Variants in FZD6 observed in about 807,000 individuals in gnomAD.
The protein encoded by FZD6 is frizzled class receptor 6.
FZD6 carries 49 observed loss-of-function variants against 61.4 expected under a neutral mutation model. The observed-to-expected ratio is 0.80, with a 90% CI of 0.63 to 1.01. The LOEUF is 1.01. Ranked by LOEUF, FZD6 falls within the 50% of genes least tolerant of loss-of-function variation. FZD6 has a pLI of 0.00. For missense variants in FZD6, 724 were observed against 848.2 expected (o/e 0.85, Z 1.82); for synonymous variants, 265 against 292.2 (o/e 0.91, Z 0.95).
Position 103,324,924 on chromosome 8 carries a change from T to C in FZD6, c.818T>C (p.Val273Ala). The C allele has an allele frequency of 6.2e-7, 1 of 1,614,072 alleles. No individual in the cohort carries two copies. Among genetic ancestry groups the C allele is most frequent in the Non-Finnish European group, 8.5e-7 (1 of 1,179,920 alleles). The change falls in exon 4 of 7, where the codon GTT becomes GCT. Residue 273 changes from valine to alanine, a missense_variant. Val to Ala is a moderately conservative substitution (Grantham distance 64). Transcript: ENST00000358755. ...GAGAAGCTAGAACTTGGTGACACTGTTGTCCTAGGCTCTCAAAATAAGGCT... is the reference window on the plus strand; with the variant it reads ...GAGAAGCTAGAACTTGGTGACACTGCTGTCCTAGGCTCTCAAAATAAGGCT... ...ADEKLELGDT[V>A]VLGSQNKACT...
chr8:103,324,597 A>T lies in FZD6; in HGVS notation c.491A>T (p.His164Leu). The change falls in exon 4 of 7, where the codon CAT becomes CTT. Residue 164 changes from histidine (H) to leucine (L), a missense_variant. Coordinates refer to ENST00000358755, the MANE Select transcript of FZD6 (RefSeq NM_003506.4). Reference protein sequence around the residue: ...QRDIGFWCPRHLKTSGGQGYK... With the variant: ...QRDIGFWCPRLLKTSGGQGYK... ...GACATTGGATTTTGGTGTCCAAGGCATCTTAAGACTTCTGGGGGACAAGGA... is the reference window on the plus strand; with the variant it reads ...GACATTGGATTTTGGTGTCCAAGGCTTCTTAAGACTTCTGGGGGACAAGGA... 1 of 1,614,102 alleles carries T rather than the reference A, an allele frequency of 6.2e-7. No homozygotes were observed. Among genetic ancestry groups the T allele is most frequent in the Non-Finnish European group, 8.5e-7 (1 of 1,179,918 alleles).
Position 103,325,372 on chromosome 8 carries a change from C to T in FZD6, c.1266C>T (p.Gly422=), listed in dbSNP as rs758118741. 1.2e-6 allele frequency: 2 copies of T among 1,613,952 alleles called. No homozygotes were observed. Among genetic ancestry groups the T allele is most frequent in the Admixed American group, 1.7e-5 (1 of 60,000 alleles). ...TGATTCGAATTGGAGTCTTCAGCGG[C>T]TTGTATCTTGTGCCATTAGTGACAC... The part of the protein sequence containing the change: ...KFMIRIGVFS[G]LYLVPLVTLL... The change falls in exon 4 of 7, where the codon GGC becomes GGT. Residue 422 remains glycine, a synonymous_variant. Transcript: ENST00000358755.
At chr8:103,301,679 T>C (rs1814175750) in intron 2 of FZD6, among the ~76,000 whole-genome samples, 1 of 152,130 alleles carries the variant, frequency 6.6e-6, no homozygotes, top group Admixed American at 6.5e-5. Flanking sequence ...AGTGCTAGGA[T>C]TACAGGCGCG....
At chr8:103,307,026 T>C (rs1814354676) in intron 2 of FZD6, among the ~76,000 whole-genome samples, 1 of 152,176 alleles carries the variant, frequency 6.6e-6, no homozygotes, top group African/African-American at 2.4e-5. Context: ...ACTGGTGATG[T>C]GGCTTGCTTC....
Position 103,324,592 on chromosome 8 carries a change from A to C in FZD6, c.486A>C (p.Pro162=), listed in dbSNP as rs1423733143. 1.2e-6 allele frequency: 2 copies of C among 1,614,134 alleles called. No individual in the cohort carries two copies. The highest frequency in any genetic ancestry group is 1.1e-5 in the South Asian group (1 of 91,088). The change falls in exon 4 of 7, where the codon CCA becomes CCC. Residue 162 remains proline, a synonymous_variant. Transcript: ENST00000358755. ...QVQRDIGFWC[P]RHLKTSGGQG... is the part of the protein sequence containing the mutation. ...AAAGAGACATTGGATTTTGGTGTCC[A>C]AGGCATCTTAAGACTTCTGGGGGAC...
Position 103,325,335 on chromosome 8 carries a change from TA to T in FZD6, c.1232del (p.Lys411ArgfsTer4). The stretch of plus-strand genomic sequence containing the variant: ...CATGATGGCCGGAACCAAGAAAAAC[TA>T]AAGAAATTTATGATTCGAATTGGAG... ...IQHDGRNQEK[L>X]KKFMIRIGVF... On this transcript the variant is annotated frameshift_variant, in exon 4 of 7. Transcript: ENST00000358755. LOFTEE classifies it high-confidence loss of function. The T allele has an allele frequency of 6.2e-7, 1 of 1,614,122 alleles. No individual in the cohort carries two copies. Among genetic ancestry groups the T allele is most frequent in the South Asian group, 1.1e-5 (1 of 91,082 alleles).
rs1322899571 is a variant in FZD6, at chr8:103,300,223, T to C, written c.116T>C (p.Met39Thr). Reference sequence around the variant, plus strand: ...AGATGTATGAAAATGGCCTACAACATGACGTTTTTCCCTAATCTGATGGGT... The same window carrying C: ...AGATGTATGAAAATGGCCTACAACACGACGTTTTTCCCTAATCTGATGGGT... ...VPRCMKMAYN[M>T]TFFPNLMGHY... Residue 39 changes from methionine (M) to threonine (T), a missense_variant, in exon 2 of 7, where the codon ATG (methionine) becomes ACG (threonine). Coordinates refer to ENST00000358755, the MANE Select transcript of FZD6 (RefSeq NM_003506.4). 2 of 1,611,576 alleles carry C rather than the reference T, an allele frequency of 1.2e-6. No individual in the cohort carries two copies. Among genetic ancestry groups the C allele is most frequent in the African/African-American group, 2.7e-5 (2 of 74,902 alleles).
At chr8:103,301,238 T>C (rs906259203) in intron 2 of FZD6, among the ~76,000 whole-genome samples, 53 of 152,214 alleles carry the variant, frequency 3.5e-4, no homozygotes, top group African/African-American at 1.3e-3. Flanking sequence ...ATGTCTGGAA[T>C]AGGAAAGCTT....
chr8:103,305,584 T>C, intron 2 of FZD6, among the ~76,000 whole-genome samples: 1 of 152,256 alleles, frequency 6.6e-6, no homozygotes, highest in East Asian at 1.9e-4. Flanking sequence ...ATTAACCTGT[T>C]TGTTTTTCAG....
At position 103,323,275 on chromosome 8, in the gene FZD6, A is replaced by G. The variant is rs189290572; in HGVS notation, c.375-1206A>G. On this transcript the variant is annotated intron_variant, in intron 3 of 6. Coordinates refer to ENST00000358755, the MANE Select transcript of FZD6 (RefSeq NM_003506.4). ...GGGTCCCCACTGTATCTATAATGTT[A>G]TATTGCTTTATTTTAAAAGATATAA... is the stretch of plus-strand genomic sequence containing the variant. 6.0e-3 allele frequency among the ~76,000 whole-genome samples: 907 copies of G among 152,244 alleles called. 2 individuals are homozygous for G. The highest frequency in any genetic ancestry group is 0.021 in the African/African-American group (861 of 41,534).
At chr8:103,318,552 T>C (rs750436321) in intron 2 of FZD6, 38 bp from the exon 3 acceptor site, 2 of 1,135,894 alleles carry the variant, frequency 1.8e-6, no homozygotes, top group South Asian at 2.5e-5. Flanking sequence ...CATTTGTTAT[T>C]AAAATGTTTT....
chr8:103,311,810 A>G (rs1055595878), intron 2 of FZD6, among the ~76,000 whole-genome samples: 8 of 151,902 alleles, frequency 5.3e-5, no homozygotes, highest in Admixed American at 5.3e-4. Context: ...TAAACTTTTG[A>G]GCCATAGAAG....
Position 103,318,804 on chromosome 8 carries a change from T to C in FZD6, c.374+18T>C, listed in dbSNP as rs751562198. Reference sequence around the variant, plus strand: ...TGTGACAGGTAAACAATGTTTTTCATGGAAAGCTACTAATGGTATTTTACT... The same window carrying C: ...TGTGACAGGTAAACAATGTTTTTCACGGAAAGCTACTAATGGTATTTTACT... On this transcript the variant is annotated intron_variant, in intron 3 of 6. Transcript: ENST00000358755. 5.5e-6 allele frequency: 8 copies of C among 1,450,134 alleles called. No homozygotes were observed. The highest frequency in any genetic ancestry group is 7.8e-6 in the Non-Finnish European group (8 of 1,030,552). The allele number at this position is 1,450,134 out of a possible 1,614,324, so 89.8% of individuals were successfully genotyped here. A position where few individuals can be genotyped will look rare whatever the true frequency, so the allele number is the denominator to read the frequency against.
Position 103,329,946 on chromosome 8 carries a change from A to T in FZD6, c.1833A>T (p.Arg611Ser), listed in dbSNP as rs1324637196. ...KADGASTPRL[R>S]EQDCGEPASP... ...ACGGAGCTAGCACCCCCAGGTTAAG[A>T]GAACAGGACTGTGGTGAACCTGCCT... Residue 611 changes from arginine (R) to serine (S), a missense_variant, in exon 6 of 7, where the codon AGA becomes AGT. Coordinates refer to ENST00000358755, the MANE Select transcript of FZD6 (RefSeq NM_003506.4). 2 of 1,614,186 alleles carry T rather than the reference A, an allele frequency of 1.2e-6. No homozygotes were observed. Among genetic ancestry groups the T allele is most frequent in the Admixed American group, 3.3e-5 (2 of 60,026 alleles).
At chr8:103,319,790 C>T (rs1244340964) in intron 3 of FZD6, among the ~76,000 whole-genome samples, 1 of 152,126 alleles carries the variant, frequency 6.6e-6, no homozygotes, top group Non-Finnish European at 1.5e-5. Context: ...AGAACATTAC[C>T]TTATGCTATT....
intron 2 of FZD6, among the ~76,000 whole-genome samples, chr8:103,313,556 C>A (rs1563687876): frequency 6.6e-6 from 1 of 152,158 alleles, no homozygotes; most frequent in South Asian, 2.1e-4. Flanking sequence ...ATATCGGCCT[C>A]CTTTTAACTT....
At chr8:103,325,561 A>G in intron 4 of FZD6, 63 bp downstream of exon 4, 1 of 1,309,756 alleles carries the variant, frequency 7.6e-7, no homozygotes, top group Non-Finnish European at 1.1e-6. Context: ...TTTCATGGAA[A>G]TATACTTGTC....
intron 2 of FZD6, among the ~76,000 whole-genome samples, chr8:103,313,633 G>A (rs914610184): frequency 6.6e-5 from 10 of 152,158 alleles, no homozygotes; most frequent in African/African-American, 2.4e-4. Context: ...CATACACTTC[G>A]AAAATAATTA....
At chr8:103,320,559 G>C (rs1451907743) in intron 3 of FZD6, among the ~76,000 whole-genome samples, 2 of 152,042 alleles carry the variant, frequency 1.3e-5, no homozygotes, top group African/African-American at 4.8e-5. Context: ...CTAATGTATG[G>C]AGACAAGCTG....
Sources: gnomAD v4.1 joint callset for allele counts (sites outside exome capture counted in the v4.1 genomes callset) on GRCh38, gnomAD v4.1.1 for gene constraint, MANE v1.5 for transcripts, NCBI Gene and HGNC (gene_info 2026-07-23, HGNC 2026-07-21) for gene names.